The following ATP6V1C2 variants were observed in gnomAD, a reference collection of about 807,000 sequenced individuals.
The protein encoded by ATP6V1C2 is ATPase H+ transporting V1 subunit C2, also known as V-type proton ATPase subunit C 2.
In ATP6V1C2, 45 loss-of-function variants were observed where a neutral mutation model predicts 56.8. The ratio of observed to expected loss-of-function variants is 0.79; its 90% confidence interval spans 0.62 to 1.02. The LOEUF is 1.02. ATP6V1C2 is among the 50% of genes least tolerant of loss of function. The pLI, the probability that ATP6V1C2 is intolerant of heterozygous loss-of-function variation, is 0.00. For synonymous variants in ATP6V1C2, 220 were observed against 201.3 expected (o/e 1.09, Z -0.79); for missense variants, 463 against 519.7 (o/e 0.89, Z 1.06).
upstream of ATP6V1C2, chr2:10,721,501 C>A (rs1210712682): frequency 6.6e-6 from 1 of 152,264 alleles, no homozygotes; most frequent in African/African-American, 2.4e-5. Context: ...GGCGCCTGCA[C>A]CTGCTCCCCG....
chr2:10,772,621 C>T lies in ATP6V1C2; in HGVS notation c.638+11C>T. ...CCCTCGATCAACCAAGTAAGTGAGACCCCAGCTTGGTCCCAGGGCCCCTGG... is the reference window on the plus strand; with the variant it reads ...CCCTCGATCAACCAAGTAAGTGAGATCCCAGCTTGGTCCCAGGGCCCCTGG... On this transcript the variant is annotated intron_variant, in intron 8 of 13. Coordinates refer to ENST00000272238, the MANE Select transcript of ATP6V1C2 (RefSeq NM_001039362.2). 2 of 1,612,178 alleles carry T rather than the reference C, an allele frequency of 1.2e-6. No individual in the cohort carries two copies. The highest frequency in any genetic ancestry group is 1.7e-6 in the Non-Finnish European group (2 of 1,178,232).
intron 8 of ATP6V1C2, among the ~76,000 whole-genome samples, chr2:10,773,005 C>A (rs898820436): frequency 6.6e-6 from 1 of 152,194 alleles, no homozygotes; most frequent in Non-Finnish European, 1.5e-5. Flanking sequence ...GGAGGGAAAG[C>A]GGCCTCAGCG....
intron 3 of ATP6V1C2, among the ~76,000 whole-genome samples, chr2:10,747,389 ACTT>A (rs1381156434): frequency 6.6e-6 from 1 of 152,160 alleles, no homozygotes; most frequent in Non-Finnish European, 1.5e-5. Context: ...TGAACTCTGA[ACTT>A]CTTCAACAGT....
chr2:10,757,808 G>A (rs1221763036), intron 4 of ATP6V1C2, among the ~76,000 whole-genome samples: 2 of 152,150 alleles, frequency 1.3e-5, no homozygotes, highest in African/African-American at 2.4e-5. Flanking sequence ...CTTTGAGCCC[G>A]TCTGTTTTAT....
intron 5 of ATP6V1C2, chr2:10,767,775 CATTTA>C (rs1287554292): frequency 4.6e-5 from 7 of 152,006 alleles, no homozygotes; most frequent in African/African-American, 1.2e-4. Flanking sequence ...TTAATATAAT[CATTTA>C]ATTTAATCAT....
At position 10,764,319 on chromosome 2, in the gene ATP6V1C2, G is replaced by T. The variant is rs1664094929; in HGVS notation, c.284-12G>T. ...CAGGCTCATGTGTTGAAATGTGTTT[G>T]TATTCTTCCAGTTGACTTAACATCC... is the stretch of plus-strand genomic sequence containing the variant. On this transcript the variant is annotated splice_polypyrimidine_tract_variant and intron_variant, in intron 4 of 13. Coordinates refer to ENST00000272238, the MANE Select transcript of ATP6V1C2 (RefSeq NM_001039362.2). 5 of 1,601,246 alleles carry T rather than the reference G, an allele frequency of 3.1e-6. No homozygotes were observed. The highest frequency in any genetic ancestry group is 4.3e-6 in the Non-Finnish European group (5 of 1,168,388).
rs1437219395 is a variant in ATP6V1C2, at chr2:10,737,167, C to G, written c.197+10598C>G. Among the ~76,000 whole-genome samples, 3 of 151,054 alleles carry G rather than the reference C, an allele frequency of 2.0e-5. No homozygotes were observed. In the East Asian group the frequency reaches 5.9e-4, roughly 29 times the overall value. On this transcript the variant is annotated intron_variant, in intron 3 of 13. Transcript: ENST00000272238. ...TGGTGGCTCATGCCTGTAATTCCAG[C>G]ACTTTGGGAGGCTGAGGTGGGAGGA...
At position 10,782,223 on chromosome 2, in the gene ATP6V1C2, C is replaced by G. The variant is rs770656822; in HGVS notation, c.1062-20C>G. ...TTGCATTTGGAGCAGTGAACTGACA[C>G]ATTTTGTCTATCTGAAAAGGTATGG... On this transcript the variant is annotated intron_variant, in intron 12 of 13. Transcript: ENST00000272238. 1 of 1,613,432 alleles carries G rather than the reference C, an allele frequency of 6.2e-7. No homozygotes were observed. Among genetic ancestry groups the G allele is most frequent in the African/African-American group, 1.3e-5 (1 of 75,014 alleles).
chr2:10,759,692 G>C (rs144786981), intron 4 of ATP6V1C2, among the ~76,000 whole-genome samples: 11 of 152,158 alleles, frequency 7.2e-5, no homozygotes, highest in Non-Finnish European at 1.0e-4. Flanking sequence ...ACAGAAGGCC[G>C]GAGGGGCTGG....
rs573330743 is a variant in ATP6V1C2, at chr2:10,753,441, A to T, written c.198-540A>T. On this transcript the variant is annotated intron_variant, in intron 3 of 13. Coordinates refer to ENST00000272238, the MANE Select transcript of ATP6V1C2 (RefSeq NM_001039362.2). ...TACTGTCAGCAGCGTGCTGTGAAGA[A>T]CATCGTTTTATTCAGAAAGCTTTTT... 5.7e-4 allele frequency among the ~76,000 whole-genome samples: 87 copies of T among 152,244 alleles called. 1 individual carries two copies. Among genetic ancestry groups the T allele is most frequent in the African/African-American group, 1.9e-3 (80 of 41,536 alleles).
Position 10,785,068 on chromosome 2 carries a change from C to A in ATP6V1C2, c.*1805C>A, listed in dbSNP as rs1665652920. 7.6e-7 allele frequency: 1 copy of A among 1,311,298 alleles called. No individual in the cohort carries two copies. Among genetic ancestry groups the A allele is most frequent in the Non-Finnish European group, 1.1e-6 (1 of 926,724 alleles). 81.2% of individuals were successfully genotyped at this position (1,311,298 alleles called of 1,614,324 possible). A position where few individuals can be genotyped will look rare whatever the true frequency, so the allele number is the denominator to read the frequency against. The stretch of plus-strand genomic sequence containing the variant: ...TGACCAAAACACACACACACATTTA[C>A]AATGGACTGCTGGTGCAGAAGAATA... On this transcript the variant is annotated 3_prime_UTR_variant, in exon 14 of 14. Transcript: ENST00000272238.
At chr2:10,751,420 G>A (rs1323138194) in intron 3 of ATP6V1C2, among the ~76,000 whole-genome samples, 2 of 152,150 alleles carry the variant, frequency 1.3e-5, no homozygotes, top group Non-Finnish European at 2.9e-5. Flanking sequence ...CCATTTTACA[G>A]CTGAAAACTG....
At position 10,757,015 on chromosome 2, in the gene ATP6V1C2, T is replaced by G. The variant is rs1016945782; in HGVS notation, c.283+2949T>G. Among the ~76,000 whole-genome samples, 826 of 133,178 alleles carry G rather than the reference T, an allele frequency of 6.2e-3. 20 individuals are homozygous for G. Among genetic ancestry groups the G allele is most frequent in the Admixed American group, 0.016 (208 of 13,272 alleles). The allele number at this position is 133,178 out of a possible 152,430, so 87.4% of individuals were successfully genotyped here. On this transcript the variant is annotated intron_variant, in intron 4 of 13. Coordinates refer to ENST00000272238, the MANE Select transcript of ATP6V1C2 (RefSeq NM_001039362.2). ...AAACATGAGGAGACTTTTTTTTTTT[T>G]TTTTTTTTTTTTTTTTTGAGACAGT...
Position 10,782,274 on chromosome 2 carries a change from C to A in ATP6V1C2, c.1093C>A (p.Leu365Ile). 4 of 1,614,182 alleles carry A rather than the reference C, an allele frequency of 2.5e-6. No homozygotes were observed. The highest frequency in any genetic ancestry group is 2.5e-6 in the Non-Finnish European group (3 of 1,180,020). ...YGLPVNFQAVLLQPHKKSSTK... is the reference protein window; with the variant it reads ...YGLPVNFQAVILQPHKKSSTK... ...ACTACCAGTGAACTTCCAGGCAGTGCTCCTGCAGCCGCATAAGAAGTCATC... is the reference window on the plus strand; with the variant it reads ...ACTACCAGTGAACTTCCAGGCAGTGATCCTGCAGCCGCATAAGAAGTCATC... The change falls in exon 13 of 14, where the codon CTC becomes ATC. Residue 365 changes from leucine to isoleucine, a missense_variant. Coordinates refer to ENST00000272238, the MANE Select transcript of ATP6V1C2 (RefSeq NM_001039362.2).
intron 3 of ATP6V1C2, among the ~76,000 whole-genome samples, chr2:10,746,166 A>C (rs28765100): frequency 6.6e-6 from 1 of 151,294 alleles, no homozygotes; most frequent in African/African-American, 2.4e-5. Flanking sequence ...CACCCGGCTA[A>C]TTTTTGTATT....
chr2:10,771,654 G>C (rs1239040144), intron 6 of ATP6V1C2, among the ~76,000 whole-genome samples, 185 bp from the exon 7 acceptor site: 1 of 152,228 alleles, frequency 6.6e-6, no homozygotes, highest in Admixed American at 6.5e-5. Context: ...CCAGCACAGA[G>C]CCTGGCCCTG....
At chr2:10,742,916 C>T (rs1572529853) in intron 3 of ATP6V1C2, among the ~76,000 whole-genome samples, 1 of 152,254 alleles carries the variant, frequency 6.6e-6, no homozygotes, top group African/African-American at 2.4e-5. Flanking sequence ...AGGCTGCCTG[C>T]CCAGCACCCA....
At chr2:10,739,538 C>G (rs1662434008) in intron 3 of ATP6V1C2, among the ~76,000 whole-genome samples, 1 of 151,996 alleles carries the variant, frequency 6.6e-6, no homozygotes, top group Non-Finnish European at 1.5e-5. Context: ...ACCCCCCACC[C>G]ACCACCCCAG....
Position 10,745,522 on chromosome 2 carries a change from G to A in ATP6V1C2, c.198-8459G>A, listed in dbSNP as rs144860982. On this transcript the variant is annotated intron_variant, in intron 3 of 13. Transcript: ENST00000272238. ...CACCCTGGTAATTTTTGTATTTTAA[G>A]TAGAGACGGGTTTTCACCATGTTGG... 1.1e-3 allele frequency among the ~76,000 whole-genome samples: 173 copies of A among 151,946 alleles called. 1 individual carries two copies. Among genetic ancestry groups the A allele is most frequent in the African/African-American group, 3.5e-3 (147 of 41,440 alleles).
Sources: allele counts gnomAD v4.1 joint callset (sites outside exome capture counted in the v4.1 genomes callset), GRCh38; gene constraint gnomAD v4.1.1; transcripts MANE v1.5; gene names NCBI Gene and HGNC (gene_info 2026-07-23, HGNC 2026-07-21).